CPQ: variants seen among roughly 807,000 people sequenced by gnomAD.
The protein encoded by CPQ is carboxypeptidase Q.
CPQ carries 37 observed loss-of-function variants against 45.7 expected under a neutral mutation model. The ratio of observed to expected loss-of-function variants is 0.81; its 90% CI spans 0.62 to 1.07. The LOEUF is 1.07. Ranked by LOEUF, CPQ falls within the 50% of genes least tolerant of loss-of-function variation. The pLI is 0.00. For synonymous variants in CPQ, 186 were observed against 205.8 expected (o/e 0.90, Z 0.82); for missense variants, 537 against 572.9 (o/e 0.94, Z 0.64).
chr8:96,876,548 A>T (rs975760074), intron 3 of CPQ, among the ~76,000 whole-genome samples: 2 of 152,078 alleles, frequency 1.3e-5, no homozygotes, highest in African/African-American at 4.8e-5. Context: ...CCCATTACAT[A>T]TGATGTTAGC....
chr8:96,792,709 A>G (rs1810866175), intron 2 of CPQ, among the ~76,000 whole-genome samples: 1 of 152,190 alleles, frequency 6.6e-6, no homozygotes, highest in African/African-American at 2.4e-5. Context: ...TATTTGAGAA[A>G]CAGTGGATTT....
Position 96,887,871 on chromosome 8 carries a change from T to G in CPQ, c.849+7866T>G, listed in dbSNP as rs1397286935. On this transcript the variant is annotated intron_variant, in intron 4 of 7. Coordinates refer to ENST00000220763, the MANE Select transcript of CPQ (RefSeq NM_016134.4). ...TTAACATGCCTTTTTCTTACAGCAG[T>G]TATTTTCATGCATTCAAAGAACAAA... 7.9e-5 allele frequency among the ~76,000 whole-genome samples: 12 copies of G among 152,312 alleles called. No individual in the cohort carries two copies. The South Asian group carries it at 2.5e-3, about 32-fold the overall frequency.
At chr8:96,979,593 C>T (rs866917476) in intron 5 of CPQ, among the ~76,000 whole-genome samples, 11 of 152,294 alleles carry the variant, frequency 7.2e-5, no homozygotes, top group South Asian at 2.1e-4. Context: ...TTCCAGTAAA[C>T]TTGCCTAAAA....
intron 6 of CPQ, among the ~76,000 whole-genome samples, chr8:97,039,698 T>G (rs1184545943): frequency 1.3e-5 from 2 of 152,044 alleles, no homozygotes; most frequent in South Asian, 4.2e-4. Flanking sequence ...GTGTTCTCAT[T>G]GTTCAATTCC....
At chr8:96,864,502 C>T (rs753383347) in intron 3 of CPQ, among the ~76,000 whole-genome samples, 23 of 151,888 alleles carry the variant, frequency 1.5e-4, no homozygotes, top group African/African-American at 5.1e-4. Context: ...TTAAAGGGTA[C>T]GGGAACCTCA....
chr8:96,989,344 A>G (rs1563547530), intron 5 of CPQ, among the ~76,000 whole-genome samples: 2 of 151,582 alleles, frequency 1.3e-5, no homozygotes, highest in Admixed American at 6.6e-5. Context: ...GAAAAGGGAA[A>G]AGAAATGGGC....
At chr8:96,818,926 T>A (rs889683489) in intron 2 of CPQ, among the ~76,000 whole-genome samples, 1 of 152,152 alleles carries the variant, frequency 6.6e-6, no homozygotes, top group African/African-American at 2.4e-5. Context: ...GTTAATTCTA[T>A]TTCTAAAATA....
At chr8:96,913,396 G>T (rs1209129672) in intron 4 of CPQ, among the ~76,000 whole-genome samples, 1 of 152,154 alleles carries the variant, frequency 6.6e-6, no homozygotes, top group Non-Finnish European at 1.5e-5. Flanking sequence ...TACAAATGCG[G>T]TGTGCTTCCC....
intron 1 of CPQ, among the ~76,000 whole-genome samples, chr8:96,677,785 A>G (rs572183538): frequency 1.3e-5 from 2 of 152,186 alleles, no homozygotes; most frequent in East Asian, 3.9e-4. Flanking sequence ...GTTATCTTCT[A>G]GAATATTTAT....
At chr8:96,692,368 G>T (rs1809316215) in intron 1 of CPQ, among the ~76,000 whole-genome samples, 1 of 152,206 alleles carries the variant, frequency 6.6e-6, no homozygotes, top group Non-Finnish European at 1.5e-5. Context: ...AGTTACAGCA[G>T]GCCTTGGGTG....
chr8:97,013,247 T>A (rs904712546), intron 5 of CPQ, among the ~76,000 whole-genome samples: 2 of 151,878 alleles, frequency 1.3e-5, no homozygotes, highest in Non-Finnish European at 2.9e-5. Context: ...GCCACAGCAC[T>A]CCAGGCTGGG....
At chr8:96,891,583 A>G (rs1812377802) in intron 4 of CPQ, among the ~76,000 whole-genome samples, 1 of 152,170 alleles carries the variant, frequency 6.6e-6, no homozygotes, top group Admixed American at 6.5e-5. Flanking sequence ...AGAATGAGTT[A>G]TCCTGTCCAC....
intron 7 of CPQ, among the ~76,000 whole-genome samples, chr8:97,137,335 G>C (rs989175775): frequency 3.9e-5 from 6 of 152,140 alleles, no homozygotes; most frequent in African/African-American, 1.4e-4. Flanking sequence ...GAAGGAAACA[G>C]CCCCAAGTGT....
chr8:96,883,878 G>A (rs185616706), intron 4 of CPQ, among the ~76,000 whole-genome samples: 4 of 152,020 alleles, frequency 2.6e-5, no homozygotes, highest in Middle Eastern at 3.4e-3. Flanking sequence ...CCTTTTTCCC[G>A]CCCTAATGGC....
chr8:96,772,503 A>T (rs1242300448), intron 1 of CPQ, among the ~76,000 whole-genome samples: 1 of 152,014 alleles, frequency 6.6e-6, no homozygotes, highest in Non-Finnish European at 1.5e-5. Flanking sequence ...AGCTCAAATG[A>T]TATATGGTGC....
intron 4 of CPQ, among the ~76,000 whole-genome samples, chr8:96,964,063 T>G (rs1343447947): frequency 6.6e-6 from 1 of 151,720 alleles, no homozygotes; most frequent in Non-Finnish European, 1.5e-5. Flanking sequence ...TTCATTCTAT[T>G]GTCAGCAGAC....
chr8:97,132,616 T>C (rs1811975868), intron 7 of CPQ, among the ~76,000 whole-genome samples: 1 of 152,212 alleles, frequency 6.6e-6, no homozygotes, highest in South Asian at 2.1e-4. Context: ...TTGAACATGA[T>C]TATACTAAAG....
At position 96,926,604 on chromosome 8, in the gene CPQ, TC is replaced by T. The variant is rs1272846897; in HGVS notation, c.850-39330del. On this transcript the variant is annotated intron_variant, in intron 4 of 7. Transcript: ENST00000220763. ...TTCTTCTTCTTCTTCTTCTTCTTCT[TC>T]TTCTTCTTCTTCTTCTTCTCCTCCT... 4.0e-3 allele frequency among the ~76,000 whole-genome samples: 597 copies of T among 147,958 alleles called. 6 individuals carry two copies. The highest frequency in any genetic ancestry group is 5.8e-3 in the Non-Finnish European group (392 of 67,568).
At chr8:96,857,401 G>T (rs1446887329) in intron 3 of CPQ, among the ~76,000 whole-genome samples, 1 of 152,186 alleles carries the variant, frequency 6.6e-6, no homozygotes, top group Non-Finnish European at 1.5e-5. Context: ...TTTCTCCCAT[G>T]ACTTCTGCTT....
Sources: gnomAD v4.1 joint callset for allele counts (sites outside exome capture counted in the v4.1 genomes callset) on GRCh38, gnomAD v4.1.1 for gene constraint, MANE v1.5 for transcripts, NCBI Gene and HGNC (gene_info 2026-07-23, HGNC 2026-07-21) for gene names.